CMSS1: variants seen among roughly 807,000 people sequenced by gnomAD.
CMSS1 encodes protein CMSS1.
CMSS1 carries 33 observed loss-of-function variants against 43.5 expected under a neutral mutation model. The ratio of observed to expected loss-of-function variants is 0.76; its 90% CI spans 0.57 to 1.01. The LOEUF (loss-of-function observed/expected upper bound fraction) is 1.01. Among genes scored for constraint, CMSS1 ranks in the 50% least tolerant of loss-of-function variants. The probability of loss-of-function intolerance (pLI) is 0.00; values close to 1 mark genes in which losing one functional copy is unlikely to be tolerated. For missense variants in CMSS1, 313 were observed against 326.4 expected, an observed-to-expected ratio of 0.96 and a Z score of 0.32; for synonymous variants, 115 against 117.2, an observed-to-expected ratio of 0.98 and a Z score of 0.12.
chr3:99,911,639 C>G (rs1706792356), intron 1 of CMSS1, among the ~76,000 whole-genome samples: 1 of 152,182 alleles, frequency 6.6e-6, no homozygotes, highest in Non-Finnish European at 1.5e-5. Flanking sequence ...TAAGTCTACT[C>G]AGCCTTGAAG....
Position 99,873,079 on chromosome 3 carries a change from A to C in CMSS1, c.64+55036A>C, listed in dbSNP as rs558812791. ...CATAGGAGGTTCTAAAAGTCATTGC[A>C]GCACACTTTAAGCATAAGTGACTGG... On this transcript the variant is annotated intron_variant, in intron 1 of 9. Transcript: ENST00000421999. Among the ~76,000 whole-genome samples the C allele has an allele frequency of 4.5e-3, 688 of 152,342 alleles. 7 individuals carry two copies. Among genetic ancestry groups the C allele is most frequent in the African/African-American group, 0.016 (674 of 41,574 alleles).
At chr3:99,861,440 A>G (rs184531938) in intron 1 of CMSS1, among the ~76,000 whole-genome samples, 1 of 152,310 alleles carries the variant, frequency 6.6e-6, no homozygotes, top group African/African-American at 2.4e-5. Context: ...TGGCATACAG[A>G]GCTGCCTTTA....
chr3:100,171,494 G>A (rs1479227333), intron 6 of CMSS1, among the ~76,000 whole-genome samples: 3 of 152,064 alleles, frequency 2.0e-5, no homozygotes, highest in African/African-American at 4.8e-5. Flanking sequence ...GAACTGCACT[G>A]CATAGTTGGA....
intron 1 of CMSS1, among the ~76,000 whole-genome samples, chr3:100,029,456 A>T (rs2107256085): frequency 6.6e-6 from 1 of 152,248 alleles, no homozygotes; most frequent in African/African-American, 2.4e-5. Context: ...TTGCATTTGC[A>T]ACCTTTGCCA....
intron 1 of CMSS1, among the ~76,000 whole-genome samples, chr3:100,057,574 C>G (rs1204919104): frequency 6.6e-6 from 1 of 152,220 alleles, no homozygotes; most frequent in East Asian, 1.9e-4. Flanking sequence ...GTCTGCTCCC[C>G]TCCTGCAAAC....
intron 1 of CMSS1, among the ~76,000 whole-genome samples, chr3:99,955,235 C>A (rs890475949): frequency 2.6e-5 from 4 of 152,144 alleles, no homozygotes; most frequent in African/African-American, 4.8e-5. Context: ...AATAAAGTGG[C>A]ATGCTCACAC....
chr3:100,049,770 AT>A (rs1185243356), intron 1 of CMSS1, among the ~76,000 whole-genome samples: 1 of 152,130 alleles, frequency 6.6e-6, no homozygotes, highest in African/African-American at 2.4e-5. Context: ...GTCTTCTAAC[AT>A]TTTCTTTTCT....
chr3:99,969,992 T>C (rs1708766829), intron 1 of CMSS1, among the ~76,000 whole-genome samples: 1 of 152,082 alleles, frequency 6.6e-6, no homozygotes, highest in Non-Finnish European at 1.5e-5. Flanking sequence ...CATTAGGGAG[T>C]AATGGTTTAG....
chr3:99,886,140 T>C (rs1705888449), intron 1 of CMSS1, among the ~76,000 whole-genome samples: 1 of 152,258 alleles, frequency 6.6e-6, no homozygotes, highest in African/African-American at 2.4e-5. Flanking sequence ...TGAGAGATGA[T>C]TTATAGATAT....
intron 1 of CMSS1, among the ~76,000 whole-genome samples, chr3:100,101,777 C>T (rs1299251087): frequency 6.6e-6 from 1 of 152,062 alleles, no homozygotes; most frequent in East Asian, 1.9e-4. Flanking sequence ...CCGCTCCCCT[C>T]ACCCCACAAC....
At chr3:99,858,028 A>C (rs1944057581) in intron 1 of CMSS1, among the ~76,000 whole-genome samples, 1 of 152,172 alleles carries the variant, frequency 6.6e-6, no homozygotes, top group African/African-American at 2.4e-5. Context: ...CAATTCAGTA[A>C]AGGCTCCAGA....
In CMSS1 at chr3:100,178,309, G is replaced by C. The variant is rs1296721161; in HGVS notation, c.761G>C (p.Arg254Thr). 8.1e-6 allele frequency: 13 copies of C among 1,605,678 alleles called. No homozygotes were observed. Among genetic ancestry groups the C allele is most frequent in the Non-Finnish European group, 1.1e-5 (13 of 1,172,704 alleles). ...LRRMMDIPEI[R>T]KEVFELLEMG... is the part of the protein sequence containing the mutation. ...CCCCCCTTTTCTCTCATTTAGATAAGAAAGGAGGTATTCGAACTTCTGGAA... is the reference window on the plus strand; with the variant it reads ...CCCCCCTTTTCTCTCATTTAGATAACAAAGGAGGTATTCGAACTTCTGGAA... Residue 254 changes from arginine to threonine, a missense_variant, in exon 10 of 10, where the codon AGA (arginine) becomes ACA (threonine). Coordinates refer to ENST00000421999, the MANE Select transcript of CMSS1 (RefSeq NM_032359.4).
chr3:100,064,671 AT>A (rs1174104503), intron 1 of CMSS1, among the ~76,000 whole-genome samples: 2 of 152,198 alleles, frequency 1.3e-5, no homozygotes, highest in African/African-American at 4.8e-5. Flanking sequence ...GGAACTTTTT[AT>A]TTCCACTTGC....
chr3:100,066,876 A>G (rs1162028036), intron 1 of CMSS1, among the ~76,000 whole-genome samples: 4 of 152,130 alleles, frequency 2.6e-5, no homozygotes, highest in Non-Finnish European at 5.9e-5. Flanking sequence ...CACAGTTTAA[A>G]GATTTTTACT....
chr3:100,038,750 C>G (rs183262096), intron 1 of CMSS1, among the ~76,000 whole-genome samples: 7 of 152,180 alleles, frequency 4.6e-5, no homozygotes, highest in Admixed American at 6.5e-5. Flanking sequence ...ATCCTCCCAC[C>G]TCAGCCTCCC....
rs149859510 is a variant in CMSS1, at chr3:100,000,031, A to G, written c.65-146942A>G. Among the ~76,000 whole-genome samples, 1,104 of 152,290 alleles carry G rather than the reference A, an allele frequency of 7.2e-3. 19 individuals are homozygous for G. Among genetic ancestry groups the G allele is most frequent in the African/African-American group, 0.024 (1,017 of 41,542 alleles). On this transcript the variant is annotated intron_variant, in intron 1 of 9. Coordinates refer to ENST00000421999, the MANE Select transcript of CMSS1 (RefSeq NM_032359.4). Reference sequence around the variant, plus strand: ...TACCAGACTCCACCTCCAGAGTCTTATTTGCCTGTAATGGGGCCCAGGCAT... The same window carrying G: ...TACCAGACTCCACCTCCAGAGTCTTGTTTGCCTGTAATGGGGCCCAGGCAT...
At chr3:100,160,645 C>G in intron 3 of CMSS1, 144 bp downstream of exon 3, 1 of 574,036 alleles carries the variant, frequency 1.7e-6, no homozygotes, top group Non-Finnish European at 3.2e-6. Flanking sequence ...TGGTGACTTT[C>G]CTAAGGTCAC....
intron 1 of CMSS1, among the ~76,000 whole-genome samples, chr3:100,002,214 G>A (rs554123622): frequency 1.3e-5 from 2 of 152,280 alleles, no homozygotes; most frequent in East Asian, 1.9e-4. Context: ...GGTAAATCAC[G>A]CACAGACTGA....
intron 1 of CMSS1, chr3:99,850,135 G>A (rs922119415): frequency 6.2e-6 from 10 of 1,611,754 alleles, no homozygotes; most frequent in Non-Finnish European, 8.5e-6. Context: ...TTTATCTTCA[G>A]TTTTCTTTAA....
Sources: allele counts gnomAD v4.1 joint callset (sites outside exome capture counted in the v4.1 genomes callset), GRCh38; gene constraint gnomAD v4.1.1; transcripts MANE v1.5; gene names NCBI Gene and HGNC (gene_info 2026-07-23, HGNC 2026-07-21).